POLN: variants seen among roughly 807,000 people sequenced by gnomAD.
POLN encodes the protein DNA polymerase nu.
In POLN, 108 loss-of-function variants were observed where a neutral mutation model predicts 113.5. The observed-to-expected ratio is 0.95, with a 90% CI of 0.81 to 1.12. The LOEUF (loss-of-function observed/expected upper bound fraction) is 1.12. Ranked by LOEUF, POLN falls within the 50% of genes most tolerant of loss-of-function variation. The pLI is 0.00. For missense variants in POLN, 1,097 were observed against 1,077.1 expected (o/e 1.02, Z -0.26); for synonymous variants, 386 against 391.5 (o/e 0.99, Z 0.17).
intron 5 of POLN, 103 bp downstream of exon 5, chr4:2,207,884 C>T (rs996779965): frequency 3.0e-6 from 4 of 1,339,346 alleles, no homozygotes; most frequent in South Asian, 1.5e-5. Flanking sequence ...GAAGGAAAGC[C>T]TTAAAATCTT....
At chr4:2,141,932 G>A (rs551149777) in intron 16 of POLN, among the ~76,000 whole-genome samples, 3 of 152,300 alleles carry the variant, frequency 2.0e-5, no homozygotes, top group African/African-American at 4.8e-5. Context: ...GGGGCCAGAG[G>A]AAGTCAGAGC....
rs1175396311 is a variant in POLN, at chr4:2,123,548, C to T, written c.1982+4565G>A. Among the ~76,000 whole-genome samples, 7 of 147,062 alleles carry T rather than the reference C, an allele frequency of 4.8e-5. No individual in the cohort carries two copies. In the Admixed American group the frequency reaches 4.9e-4, roughly 10 times the overall value. On this transcript the variant is annotated intron_variant, in intron 19 of 25. Coordinates refer to ENST00000511885, the MANE Select transcript of POLN (RefSeq NM_181808.4). ...AGGCTGAGGCAGGAATCGCTTGATC[C>T]TGGGAGACGGAGGTTGAAGTGAGCC...
At chr4:2,089,657 T>C in intron 20 of POLN, 1 of 749,182 alleles carries the variant, frequency 1.3e-6, no homozygotes, top group Non-Finnish European at 2.2e-6. Flanking sequence ...TTATCTGAAC[T>C]TCCTAAACTG....
intron 16 of POLN, among the ~76,000 whole-genome samples, chr4:2,150,564 G>A (rs1351855392): frequency 6.6e-6 from 1 of 151,922 alleles, no homozygotes; most frequent in African/African-American, 2.4e-5. Flanking sequence ...AATGTTGGAG[G>A]ACTTACATGC....
At chr4:2,170,870 C>T in intron 12 of POLN, 96 bp from the exon 13 acceptor site, 2 of 1,118,196 alleles carry the variant, frequency 1.8e-6, no homozygotes, top group Non-Finnish European at 2.7e-6. Context: ...CCAGAGAAGA[C>T]ACACCCAAAC....
At chr4:2,096,083 A>G in intron 19 of POLN, 150 bp from the exon 20 acceptor site, 1 of 720,338 alleles carries the variant, frequency 1.4e-6, no homozygotes, top group African/African-American at 1.7e-5. Context: ...GAGACATTCC[A>G]TACCTGTGGT....
intron 2 of POLN, 42 bp downstream of exon 2, chr4:2,241,478 A>T (rs1734985593): frequency 1.0e-6 from 1 of 985,104 alleles, no homozygotes; most frequent in Non-Finnish European, 1.2e-6. Flanking sequence ...AGAAGACGCA[A>T]ATAAGCATGG....
At chr4:2,174,976 C>T (rs146853320) in intron 9 of POLN, among the ~76,000 whole-genome samples, 8 of 152,024 alleles carry the variant, frequency 5.3e-5, no homozygotes, top group Admixed American at 5.2e-4. Context: ...GCACCCCCCA[C>T]CATGCCAGGC....
At chr4:2,104,861 C>T (rs1577694811) in intron 19 of POLN, among the ~76,000 whole-genome samples, 1 of 152,338 alleles carries the variant, frequency 6.6e-6, no homozygotes, top group African/African-American at 2.4e-5. Context: ...CAAAGGTGTG[C>T]TGTTGCTGTC....
In POLN at chr4:2,176,326, A is replaced by C; in HGVS notation, c.1188T>G (p.Asn396Lys). The change falls in exon 9 of 26, where the codon AAT (asparagine) becomes AAG (lysine). Residue 396 changes from asparagine to lysine, a missense_variant. Physicochemically the swap from Asn to Lys is moderately conservative, Grantham distance 94 (BLOSUM62 0). Transcript: ENST00000511885. ...GNSSRNIVNQ[N>K]VRENLKTLYR... ...AGAGTGTCTTCAGGTTCTCACGTAC[A>C]TTCTGATTCTTTAAAAGAGCAAAAG... 1 of 1,596,144 alleles carries C rather than the reference A, an allele frequency of 6.3e-7. No homozygotes were observed. The highest frequency in any genetic ancestry group is 8.5e-7 in the Non-Finnish European group (1 of 1,173,266).
intron 23 of POLN, among the ~76,000 whole-genome samples, chr4:2,077,404 G>T (rs1318281653): frequency 1.3e-5 from 2 of 152,236 alleles, no homozygotes; most frequent in Non-Finnish European, 2.9e-5. Flanking sequence ...CGTGGGCCCA[G>T]ACAGCGGTAC....
Position 2,072,163 on chromosome 4 carries a change from GC to G in POLN, c.2653del (p.Ala885ProfsTer73). The G allele has an allele frequency of 1.2e-6, 2 of 1,612,216 alleles. No individual in the cohort carries two copies. Among genetic ancestry groups the G allele is most frequent in the Non-Finnish European group, 1.7e-6 (2 of 1,179,374 alleles). On this transcript the variant is annotated frameshift_variant, in exon 26 of 26. Coordinates refer to ENST00000511885, the MANE Select transcript of POLN (RefSeq NM_181808.4). LOFTEE classifies it low-confidence loss of function (END_TRUNC). ...SNSLAAPGSP[A>X]STQPPPLHFS... ...ATGCAGGGGTGGGGGCTGGGTGCTG[GC>G]AGGGGACCCAGGGGCAGCCAGGCTG...
intron 13 of POLN, among the ~76,000 whole-genome samples, chr4:2,167,977 A>G (rs1350582171): frequency 1.3e-5 from 2 of 152,176 alleles, no homozygotes; most frequent in Non-Finnish European, 2.9e-5. Context: ...GTTAAGACAC[A>G]CTTCCAGACA....
chr4:2,076,697 T>C (rs1377726274), intron 23 of POLN: 1 of 152,286 alleles, frequency 6.6e-6, no homozygotes, highest in African/African-American at 2.4e-5. Context: ...CTGGTCTGCA[T>C]GGGCGTCCTT....
At chr4:2,076,491 C>A (rs35106634) in intron 23 of POLN, 1 of 152,362 alleles carries the variant, frequency 6.6e-6, no homozygotes. Context: ...AGGGGACGTG[C>A]GGCGTGGGTA....
chr4:2,130,988 A>G (rs1320432456), intron 17 of POLN, among the ~76,000 whole-genome samples: 2 of 152,202 alleles, frequency 1.3e-5, no homozygotes, highest in Non-Finnish European at 2.9e-5. Context: ...ACCAGCCTTG[A>G]CAATATGGCA....
At chr4:2,182,381 A>G (rs992322501) in intron 7 of POLN, among the ~76,000 whole-genome samples, 2 of 152,246 alleles carry the variant, frequency 1.3e-5, no homozygotes, top group Non-Finnish European at 2.9e-5. Context: ...AGAGACATGC[A>G]GAGGGAAAAG....
In POLN at chr4:2,221,257, CAG is replaced by C. The variant is rs200045387; in HGVS notation, c.133+7840_133+7841del. Among the ~76,000 whole-genome samples, 965 of 152,288 alleles carry C rather than the reference CAG, an allele frequency of 6.3e-3. 12 individuals are homozygous for C. The highest frequency in any genetic ancestry group is 0.022 in the African/African-American group (901 of 41,560). On this transcript the variant is annotated intron_variant, in intron 3 of 25. Transcript: ENST00000511885. ...AGCTCAAGCAACAGTCCCCCTTCCT[CAG>C]CCATCCAAATAGCTGGGATTCCGTG... is the stretch of plus-strand genomic sequence containing the variant.
At chr4:2,159,404 T>C (rs1158217111) in intron 13 of POLN, among the ~76,000 whole-genome samples, 193 bp from the exon 14 acceptor site, 1 of 152,218 alleles carries the variant, frequency 6.6e-6, no homozygotes, top group African/African-American at 2.4e-5. Flanking sequence ...GATGTCTACA[T>C]GGGCACTAAA....
Sources: gnomAD v4.1 joint callset for allele counts (sites outside exome capture counted in the v4.1 genomes callset) on GRCh38, gnomAD v4.1.1 for gene constraint, MANE v1.5 for transcripts, NCBI Gene and HGNC (gene_info 2026-07-23, HGNC 2026-07-21) for gene names.